The following AFF2 variants were observed in gnomAD, a reference collection of about 807,000 sequenced individuals.
AFF2 encodes AF4/FMR2 family member 2.
A neutral mutation model predicts 76.9 loss-of-function variants in AFF2; 14 were observed. That is an observed-to-expected ratio of 0.18 (90% CI 0.12 to 0.28). AFF2 has a LOEUF of 0.28. Among genes scored for constraint, AFF2 ranks in the 10% least tolerant of loss-of-function variants. The pLI is 1.00. For missense variants in AFF2, 868 were observed against 1,001.1 expected (o/e 0.87, Z 1.79); for synonymous variants, 398 against 366.7 (o/e 1.09, Z -0.98).
At chrX:148,818,506 G>C (rs1388204727) in intron 4 of AFF2, among the ~76,000 whole-genome samples, 1 of 111,757 alleles carries the variant, frequency 8.9e-6, no homozygotes, top group African/African-American at 3.2e-5. Flanking sequence ...GTTAATCTTG[G>C]ATCCTTACCT....
intron 1 of AFF2, among the ~76,000 whole-genome samples, chrX:148,543,983 C>T (rs111411632): frequency 0.019 from 2,119 of 112,012 alleles, 37 homozygotes; most frequent in African/African-American, 0.065. Context: ...CTAATTACCT[C>T]CCCTGGGAGA....
rs961936060 is a variant in AFF2 at position 148,996,242 on chromosome X, C to T, written c.*4910C>T. ...CACTCCAACGAGGCTAAGTTAATGC[C>T]GTGTTGCCCAGAACAAGATCTAGCT... On this transcript the variant is annotated 3_prime_UTR_variant, in exon 21 of 21. Coordinates refer to ENST00000370460, the MANE Select transcript of AFF2 (RefSeq NM_002025.4). The T allele has an allele frequency of 4.4e-5, 5 of 112,523 alleles. No homozygotes were observed. The highest frequency in any genetic ancestry group is 9.7e-5 in the African/African-American group (3 of 30,989). 9.3% of individuals were successfully genotyped at this position (112,523 alleles called of 1,213,427 possible). A position where few individuals can be genotyped will look rare whatever the true frequency, so the allele number is the denominator to read the frequency against.
chrX:148,663,304 T>C (rs1423606351), intron 3 of AFF2, among the ~76,000 whole-genome samples: 2 of 112,304 alleles, frequency 1.8e-5, no homozygotes, highest in African/African-American at 6.5e-5. Context: ...AAGATCTTAA[T>C]GTTTTCTCCC....
intron 3 of AFF2, among the ~76,000 whole-genome samples, chrX:148,753,197 T>C (rs1423120767): frequency 8.9e-6 from 1 of 112,003 alleles, no homozygotes; most frequent in Admixed American, 9.5e-5. Flanking sequence ...ATAGTATGCA[T>C]AATCTGCTTT....
At chrX:148,732,172 C>G (rs1460635156) in intron 3 of AFF2, among the ~76,000 whole-genome samples, 2 of 83,003 alleles carry the variant, frequency 2.4e-5, no homozygotes, top group African/African-American at 6.6e-5. Context: ...TTGGAACCAA[C>G]CCAAATGTCC....
rs187881942 is a variant in AFF2 at position 148,873,265 on chromosome X, G to T, written c.1263-12624G>T. 1.9e-4 allele frequency among the ~76,000 whole-genome samples: 21 copies of T among 110,299 alleles called. No homozygotes were observed. In the East Asian group the frequency reaches 4.3e-3, roughly 23 times the overall value. Reference sequence around the variant, plus strand: ...ACACCAGTACAGGGCCCTGATAGGAGCCCGGCTATCTAACCTCTCGTGTCA... The same window carrying T: ...ACACCAGTACAGGGCCCTGATAGGATCCCGGCTATCTAACCTCTCGTGTCA... On this transcript the variant is annotated intron_variant, in intron 7 of 20. Transcript: ENST00000370460.
At chrX:148,505,081 G>A (rs1217304724) in intron 1 of AFF2, among the ~76,000 whole-genome samples, 3 of 111,708 alleles carry the variant, frequency 2.7e-5, no homozygotes, top group African/African-American at 9.8e-5. Flanking sequence ...TCCCTCTGTG[G>A]TCTCTTAAAA....
At chrX:148,663,664 G>A (rs2054330562) in intron 3 of AFF2, among the ~76,000 whole-genome samples, 1 of 112,176 alleles carries the variant, frequency 8.9e-6, no homozygotes, top group Admixed American at 9.4e-5. Context: ...CCTTTAGATT[G>A]GATTCCTGTC....
intron 1 of AFF2, among the ~76,000 whole-genome samples, chrX:148,635,804 G>A (rs1251024916): frequency 9.1e-6 from 1 of 109,921 alleles, no homozygotes; most frequent in African/African-American, 3.3e-5. Context: ...CCACTCCAGA[G>A]GGAAATGAAT....
intron 7 of AFF2, among the ~76,000 whole-genome samples, chrX:148,859,641 T>C (rs1557276225): frequency 1.8e-5 from 2 of 110,983 alleles, no homozygotes; most frequent in African/African-American, 6.5e-5. Flanking sequence ...TTATGAAGAA[T>C]AAAATAAAAA....
intron 17 of AFF2, 127 bp downstream of exon 17, chrX:148,978,131 C>T: frequency 3.8e-6 from 2 of 532,640 alleles, no homozygotes; most frequent in Non-Finnish European, 6.4e-6. Context: ...TAAAGGATAA[C>T]TAATGGATTT....
intron 1 of AFF2, among the ~76,000 whole-genome samples, chrX:148,533,535 G>A (rs989376728): frequency 9.0e-6 from 1 of 111,191 alleles, no homozygotes; most frequent in Non-Finnish European, 1.9e-5. Flanking sequence ...CTCGTGATCC[G>A]CCTGCATCGG....
chrX:148,895,287 T>C (rs1409438854), intron 8 of AFF2, among the ~76,000 whole-genome samples: 1 of 111,468 alleles, frequency 9.0e-6, no homozygotes, highest in African/African-American at 3.3e-5. Flanking sequence ...TGGCTACATT[T>C]TTATTGTAGG....
At chrX:148,716,384 C>G (rs1424166252) in intron 3 of AFF2, among the ~76,000 whole-genome samples, 1 of 111,739 alleles carries the variant, frequency 8.9e-6, no homozygotes, top group Non-Finnish European at 1.9e-5. Context: ...GACCCTACAA[C>G]TTAATTTTAA....
At chrX:148,965,463 T>C (rs1283967884) in intron 13 of AFF2, among the ~76,000 whole-genome samples, 2 of 111,225 alleles carry the variant, frequency 1.8e-5, no homozygotes, top group Non-Finnish European at 3.8e-5. Context: ...GAAGGAAAGG[T>C]GGGGAGTCTC....
chrX:148,738,522 A>T (rs1179638720), intron 3 of AFF2, among the ~76,000 whole-genome samples: 5 of 111,751 alleles, frequency 4.5e-5, no homozygotes, highest in Non-Finnish European at 9.4e-5. Context: ...TTTCTTGGTT[A>T]ATCTTGCTAA....
chrX:148,989,034 A>G (rs1005635719), intron 20 of AFF2, among the ~76,000 whole-genome samples: 2 of 112,333 alleles, frequency 1.8e-5, no homozygotes, highest in Non-Finnish European at 3.8e-5. Context: ...ACAGGTCCTC[A>G]GAGACCTTTG....
At chrX:148,507,950 G>A (rs897088023) in intron 1 of AFF2, among the ~76,000 whole-genome samples, 1 of 112,059 alleles carries the variant, frequency 8.9e-6, no homozygotes, top group Non-Finnish European at 1.9e-5. Context: ...AAACATACCT[G>A]TGTATTTTGC....
intron 1 of AFF2, among the ~76,000 whole-genome samples, chrX:148,597,951 G>A (rs782292818): frequency 1.1e-3 from 125 of 112,441 alleles, no homozygotes; most frequent in Non-Finnish European, 2.0e-3. Context: ...ACATTAATGC[G>A]TACTTTGGAA....
Sources: allele counts gnomAD v4.1 joint callset (sites outside exome capture counted in the v4.1 genomes callset), GRCh38; gene constraint gnomAD v4.1.1; transcripts MANE v1.5; gene names NCBI Gene and HGNC (gene_info 2026-07-23, HGNC 2026-07-21).